The following TSNARE1 variants were observed in gnomAD, a reference collection of about 807,000 sequenced individuals.
TSNARE1 encodes t-SNARE domain-containing protein 1.
In TSNARE1, 49 loss-of-function variants were observed where a neutral mutation model predicts 62.0. That is an observed-to-expected ratio of 0.79 (90% CI 0.63 to 1.00). TSNARE1 has a LOEUF of 1.00. Ranked by LOEUF, TSNARE1 falls within the 50% of genes least tolerant of loss-of-function variation. The probability of loss-of-function intolerance (pLI) is 0.00; values close to 1 mark genes in which losing one functional copy is unlikely to be tolerated. For synonymous variants in TSNARE1, 328 were observed against 294.4 expected, an observed-to-expected ratio of 1.11 and a Z score of -1.17; for missense variants, 755 against 700.1, an observed-to-expected ratio of 1.08 and a Z score of -0.88.
At chr8:142,366,974 G>A (rs1282375009) in intron 1 of TSNARE1, among the ~76,000 whole-genome samples, 1 of 152,144 alleles carries the variant, frequency 6.6e-6, no homozygotes, top group Non-Finnish European at 1.5e-5. Flanking sequence ...CACATATACA[G>A]AAACCAGTCT....
chr8:142,212,902 C>G lies in TSNARE1; in HGVS notation c.*12-589G>C, dbSNP rs529872582. Among the ~76,000 whole-genome samples the G allele has an allele frequency of 1.6e-5, 2 of 121,572 alleles. 1 individual carries two copies. Among genetic ancestry groups the G allele is most frequent in the African/African-American group, 6.5e-5 (2 of 30,726 alleles). The allele number at this position is 121,572 out of a possible 152,430, so 79.8% of individuals were successfully genotyped here. The stretch of plus-strand genomic sequence containing the variant: ...TTCCTCCCCTTCCCTCTCTCCTGCC[C>G]GGTCCCTCTCTTCCCTCCCTCCCCC... On this transcript the variant is annotated intron_variant, in intron 13 of 13. Transcript: ENST00000524325.
intron 13 of TSNARE1, among the ~76,000 whole-genome samples, chr8:142,220,440 C>T (rs1816157167): frequency 6.6e-6 from 1 of 152,148 alleles, no homozygotes; most frequent in African/African-American, 2.4e-5. Context: ...GTCTGGGTCC[C>T]AGGGGAGAGA....
chr8:142,302,259 C>T (rs1435135991), intron 9 of TSNARE1, among the ~76,000 whole-genome samples: 1 of 148,342 alleles, frequency 6.7e-6, no homozygotes, highest in Non-Finnish European at 1.5e-5. Context: ...TATGCCCACA[C>T]ACACCCCCTG....
intron 6 of TSNARE1, among the ~76,000 whole-genome samples, chr8:142,326,918 C>T (rs1187655647): frequency 6.6e-6 from 1 of 152,200 alleles, no homozygotes; most frequent in Non-Finnish European, 1.5e-5. Context: ...CACCACAAGA[C>T]CCCACTTCGC....
intron 12 of TSNARE1, among the ~76,000 whole-genome samples, chr8:142,249,335 C>G (rs1440660573): frequency 6.6e-6 from 1 of 152,142 alleles, no homozygotes; most frequent in Non-Finnish European, 1.5e-5. Context: ...CGGCAAGGAA[C>G]AGGAAGGGCC....
At chr8:142,284,083 C>T (rs4634779) in intron 11 of TSNARE1, among the ~76,000 whole-genome samples, 14,273 of 80,604 alleles carry the variant, frequency 0.18, 2,448 homozygotes, top group African/African-American at 0.36. Context: ...CTAGTGTCTG[C>T]CAATGAGCAG....
At chr8:142,238,252 CCCCT>C (rs1395761758) in intron 12 of TSNARE1, among the ~76,000 whole-genome samples, 1 of 152,142 alleles carries the variant, frequency 6.6e-6, no homozygotes, top group Non-Finnish European at 1.5e-5. Context: ...CTGGGCCTGG[CCCCT>C]CTGCAGGCAG....
At chr8:142,306,881 T>G (rs912118180) in intron 9 of TSNARE1, among the ~76,000 whole-genome samples, 7 of 152,220 alleles carry the variant, frequency 4.6e-5, no homozygotes, top group Admixed American at 4.6e-4. Context: ...TATAGCTCTA[T>G]GACTGCTCAC....
At chr8:142,229,237 T>C (rs1330160909) in intron 13 of TSNARE1, among the ~76,000 whole-genome samples, 1 of 139,764 alleles carries the variant, frequency 7.2e-6, no homozygotes, top group Non-Finnish European at 1.5e-5. Context: ...GGATGGATGA[T>C]GGATGGATGA....
At chr8:142,325,865 G>A (rs1830139574) in intron 6 of TSNARE1, among the ~76,000 whole-genome samples, 1 of 151,308 alleles carries the variant, frequency 6.6e-6, no homozygotes, top group African/African-American at 2.4e-5. Context: ...CACCAGTGAA[G>A]GGGAGGGGCC....
chr8:142,373,617 G>GC (rs1554675735), intron 1 of TSNARE1, among the ~76,000 whole-genome samples: 2 of 150,386 alleles, frequency 1.3e-5, no homozygotes, highest in Non-Finnish European at 1.5e-5. Flanking sequence ...TCTCTGTGAC[G>GC]CCCCCACCCC....
chr8:142,260,969 G>GGAGA (rs1346784864), intron 12 of TSNARE1, among the ~76,000 whole-genome samples: 5 of 23,090 alleles, frequency 2.2e-4, no homozygotes, highest in Admixed American at 9.7e-4. Flanking sequence ...AAGCAGTCAG[G>GGAGA]GAGGGAGGGA....
At chr8:142,314,657 G>A (rs958610660) in intron 8 of TSNARE1, among the ~76,000 whole-genome samples, 1 of 152,172 alleles carries the variant, frequency 6.6e-6, no homozygotes, top group Non-Finnish European at 1.5e-5. Context: ...CCAGGGCCGG[G>A]GCTGAGCTCT....
intron 13 of TSNARE1, among the ~76,000 whole-genome samples, chr8:142,216,037 G>C (rs1237787561): frequency 6.6e-6 from 1 of 152,198 alleles, no homozygotes; most frequent in African/African-American, 2.4e-5. Flanking sequence ...TGCCGGCTGA[G>C]TGGCCCTGTG....
chr8:142,323,991 G>A (rs934975974), intron 6 of TSNARE1, among the ~76,000 whole-genome samples: 3 of 152,146 alleles, frequency 2.0e-5, no homozygotes, highest in Admixed American at 6.5e-5. Context: ...ACCCTCACCC[G>A]CCCTGGACTG....
chr8:142,285,232 A>G, intron 10 of TSNARE1, among the ~76,000 whole-genome samples: 1 of 144,376 alleles, frequency 6.9e-6, no homozygotes, highest in African/African-American at 2.7e-5. Context: ...GGGTGGATGG[A>G]TGGATGGGTA....
At chr8:142,324,051 A>G (rs1024804939) in intron 6 of TSNARE1, among the ~76,000 whole-genome samples, 2 of 152,242 alleles carry the variant, frequency 1.3e-5, no homozygotes, top group African/African-American at 4.8e-5. Context: ...CGCTAGCTGT[A>G]CATTGAGAGA....
chr8:142,283,421 C>T (rs545514794), intron 11 of TSNARE1, among the ~76,000 whole-genome samples: 209 of 143,534 alleles, frequency 1.5e-3, no homozygotes, highest in African/African-American at 5.3e-3. Flanking sequence ...TGAGCAGAGG[C>T]GGGGTTAGTG....
chr8:142,331,176 G>A (rs1011244658), intron 5 of TSNARE1, among the ~76,000 whole-genome samples: 1 of 152,236 alleles, frequency 6.6e-6, no homozygotes, highest in Non-Finnish European at 1.5e-5. Context: ...CCCCTCCCCA[G>A]CTGGCCTGCA....
Sources: allele counts gnomAD v4.1 joint callset (sites outside exome capture counted in the v4.1 genomes callset), GRCh38; gene constraint gnomAD v4.1.1; transcripts MANE v1.5; gene names NCBI Gene and HGNC (gene_info 2026-07-23, HGNC 2026-07-21).